Variants in LMAN1 observed in about 807,000 individuals in gnomAD.
The protein encoded by LMAN1 is protein ERGIC-53.
Under a neutral mutation model 67.8 loss-of-function variants are expected in LMAN1, and 32 were observed. The observed-to-expected ratio is 0.47, with a 90% CI of 0.36 to 0.63. LMAN1 has a LOEUF of 0.63. Among genes scored for constraint, LMAN1 ranks in the 30% least tolerant of loss-of-function variants. The probability of loss-of-function intolerance (pLI) is 0.00; values close to 1 mark genes in which losing one functional copy is unlikely to be tolerated. For missense variants in LMAN1, 632 were observed against 628.2 expected (o/e 1.01, Z -0.06); for synonymous variants, 235 against 219.3 (o/e 1.07, Z -0.63).
At chr18:59,342,516 T>C (rs1908310485) in intron 8 of LMAN1, among the ~76,000 whole-genome samples, 1 of 152,142 alleles carries the variant, frequency 6.6e-6, no homozygotes, top group African/African-American at 2.4e-5. Flanking sequence ...GGGTTCAACA[T>C]ATAAAAATCC....
intron 6 of LMAN1, 120 bp downstream of exon 6, chr18:59,348,993 G>T: frequency 8.5e-7 from 1 of 1,181,408 alleles, no homozygotes; most frequent in Non-Finnish European, 1.3e-6. Flanking sequence ...AGAGGTGATG[G>T]GAAAGTTCCA....
chr18:59,356,638 C>T (rs552034278), intron 1 of LMAN1, among the ~76,000 whole-genome samples: 1 of 152,010 alleles, frequency 6.6e-6, no homozygotes, highest in South Asian at 2.1e-4. Context: ...GGATCAGTCA[C>T]TGTTCACTGT....
intron 5 of LMAN1, 69 bp downstream of exon 5, chr18:59,353,132 CA>C (rs1414626492): frequency 7.6e-7 from 1 of 1,323,324 alleles, no homozygotes; most frequent in Non-Finnish European, 1.1e-6. Context: ...TAATTTCTAT[CA>C]AAAATTCAAA....
chr18:59,355,575 C>A lies in LMAN1; in HGVS notation c.298G>T (p.Ala100Ser). 6.2e-7 allele frequency: 1 copy of A among 1,614,150 alleles called. No homozygotes were observed. The highest frequency in any genetic ancestry group is 8.5e-7 in the Non-Finnish European group (1 of 1,179,982). ...RGSVWTKTKAAFENWEVEVTF... is the reference protein window; with the variant it reads ...RGSVWTKTKASFENWEVEVTF... Reference sequence around the variant, plus strand: ...ACCTCAACTTCCCAGTTCTCAAAGGCCGCTTTTGTCTTTGTCCACACTGAG... The same window carrying A: ...ACCTCAACTTCCCAGTTCTCAAAGGACGCTTTTGTCTTTGTCCACACTGAG... Residue 100 changes from alanine (A) to serine (S), a missense_variant, in exon 2 of 13, where the codon GCC becomes TCC. Ala to Ser is a moderately conservative substitution (Grantham distance 99, BLOSUM62 1). Transcript: ENST00000251047.
At chr18:59,351,390 T>C (rs1001982507) in intron 5 of LMAN1, 5 of 152,032 alleles carry the variant, frequency 3.3e-5, no homozygotes, top group African/African-American at 1.2e-4. Flanking sequence ...CTTTAACAAG[T>C]AGAAAGAAAA....
intron 8 of LMAN1, among the ~76,000 whole-genome samples, chr18:59,343,610 G>A (rs376331560): frequency 6.6e-6 from 1 of 151,978 alleles, no homozygotes; most frequent in Non-Finnish European, 1.5e-5. Flanking sequence ...ATAGAAGAAT[G>A]CAAGTGGACC....
chr18:59,329,493 T>C lies in LMAN1; in HGVS notation c.*1600A>G, dbSNP rs1051618051. 4 of 152,152 alleles carry C rather than the reference T, an allele frequency of 2.6e-5. No individual in the cohort carries two copies. The highest frequency in any genetic ancestry group is 7.2e-5 in the African/African-American group (3 of 41,448). The allele number at this position is 152,152 out of a possible 1,614,324, so 9.4% of individuals were successfully genotyped here. ...CTGTGATGATGAAGCCTCTGAAACA[T>C]GAATTTCAAAATGTTAACACTACAA... On this transcript the variant is annotated 3_prime_UTR_variant, in exon 13 of 13. Coordinates refer to ENST00000251047, the MANE Select transcript of LMAN1 (RefSeq NM_005570.4).
chr18:59,331,155 T>TC (rs761593609), intron 12 of LMAN1, 26 bp from the exon 13 acceptor site: 1 of 1,602,108 alleles, frequency 6.2e-7, no homozygotes, highest in South Asian at 1.1e-5. Context: ...AACAAACACT[T>TC]AAAGAAGTTC....
chr18:59,331,350 CT>C (rs2070746253), intron 12 of LMAN1, 67 bp downstream of exon 12: 2 of 1,446,254 alleles, frequency 1.4e-6, no homozygotes, highest in Admixed American at 3.4e-5. Context: ...ACATAGATAA[CT>C]TAGTTGAATA....
At chr18:59,345,526 T>C (rs533202475) in intron 8 of LMAN1, among the ~76,000 whole-genome samples, 25 of 152,314 alleles carry the variant, frequency 1.6e-4, no homozygotes, top group South Asian at 1.0e-3. Flanking sequence ...ACCAAAAATA[T>C]ACACTTTTGA....
chr18:59,338,391 A>G (rs1028538635), intron 10 of LMAN1, among the ~76,000 whole-genome samples, 166 bp downstream of exon 10: 2 of 152,196 alleles, frequency 1.3e-5, no homozygotes, highest in Non-Finnish European at 2.9e-5. Flanking sequence ...CAGTTTTTGA[A>G]TATTAAAAGT....
At chr18:59,331,712 T>C (rs914056197) in intron 11 of LMAN1, 173 bp from the exon 12 acceptor site, 5 of 644,350 alleles carry the variant, frequency 7.8e-6, no homozygotes, top group East Asian at 3.0e-5. Flanking sequence ...TTTGAAGGAG[T>C]AGTTGACACT....
intron 8 of LMAN1, among the ~76,000 whole-genome samples, chr18:59,341,157 T>C (rs1455748956): frequency 6.6e-6 from 1 of 152,012 alleles, no homozygotes; most frequent in Non-Finnish European, 1.5e-5. Context: ...ACCAAGAGGA[T>C]ATAACAATCC....
chr18:59,358,584 G>C (rs1161236909), intron 1 of LMAN1, among the ~76,000 whole-genome samples: 1 of 151,950 alleles, frequency 6.6e-6, no homozygotes, highest in East Asian at 1.9e-4. Context: ...GGGATCGGGG[G>C]TGGGGGGTGG....
At chr18:59,336,358 G>T (rs987684956) in intron 10 of LMAN1, among the ~76,000 whole-genome samples, 1 of 152,094 alleles carries the variant, frequency 6.6e-6, no homozygotes, top group African/African-American at 2.4e-5. Flanking sequence ...AAAAGATGAG[G>T]GCTTGTTGAG....
At chr18:59,351,550 T>A (rs944004447) in intron 5 of LMAN1, 12 of 152,190 alleles carry the variant, frequency 7.9e-5, no homozygotes, top group Non-Finnish European at 1.5e-5. Flanking sequence ...CATAGTTAAG[T>A]CAGTCTGGGA....
chr18:59,334,006 C>T (rs1218330807), intron 10 of LMAN1, among the ~76,000 whole-genome samples: 3 of 152,116 alleles, frequency 2.0e-5, no homozygotes, highest in African/African-American at 4.8e-5. Context: ...ATCAATGTCA[C>T]GTGTTGATTA....
chr18:59,328,266 T>C lies in LMAN1; in HGVS notation c.*2827A>G, dbSNP rs1478568618. The C allele has an allele frequency of 6.6e-6, 1 of 152,176 alleles. No individual in the cohort carries two copies. The highest frequency in any genetic ancestry group is 1.5e-5 in the Non-Finnish European group (1 of 68,022). 9.4% of individuals were successfully genotyped at this position (152,176 alleles called of 1,614,324 possible). ...AGTACAACTGTCTGATATAAATTGT[T>C]ACCATAATCACAATCAGGAAGGCAA... On this transcript the variant is annotated 3_prime_UTR_variant, in exon 13 of 13. Coordinates refer to ENST00000251047, the MANE Select transcript of LMAN1 (RefSeq NM_005570.4).
Position 59,333,385 on chromosome 18 carries a change from C to T in LMAN1, c.1221-141G>A, listed in dbSNP as rs987779829. 56 of 650,564 alleles carry T rather than the reference C, an allele frequency of 8.6e-5. 1 individual carries two copies. The Admixed American group carries it at 1.2e-3, about 13-fold the overall frequency. The allele number at this position is 650,564 out of a possible 1,614,324, so 40.3% of individuals were successfully genotyped here. A position where few individuals can be genotyped will look rare whatever the true frequency, so the allele number is the denominator to read the frequency against. Reference sequence around the variant, plus strand: ...AAACAGGTAAAGTATCTTTAAAAATCGAGTTGTGTTCAAAATTGGAAAATA... The same window carrying T: ...AAACAGGTAAAGTATCTTTAAAAATTGAGTTGTGTTCAAAATTGGAAAATA... On this transcript the variant is annotated intron_variant, in intron 10 of 12. Coordinates refer to ENST00000251047, the MANE Select transcript of LMAN1 (RefSeq NM_005570.4).
Sources: allele counts gnomAD v4.1 joint callset (sites outside exome capture counted in the v4.1 genomes callset), GRCh38; gene constraint gnomAD v4.1.1; transcripts MANE v1.5; gene names NCBI Gene and HGNC (gene_info 2026-07-23, HGNC 2026-07-21).